ASGR2: variants seen among roughly 807,000 people sequenced by gnomAD.
ASGR2 encodes the protein asialoglycoprotein receptor 2.
A neutral mutation model predicts 32.3 loss-of-function variants in ASGR2; 34 were observed. The observed-to-expected ratio is 1.05, with a 90% CI of 0.80 to 1.40. ASGR2 has a LOEUF of 1.40. Among genes scored for constraint, ASGR2 ranks in the 40% most tolerant of loss-of-function variants. The pLI is 0.00. For missense variants in ASGR2, 385 were observed against 386.4 expected, an observed-to-expected ratio of 1.00 and a Z score of 0.03; for synonymous variants, 143 against 150.0, an observed-to-expected ratio of 0.95 and a Z score of 0.34.
intron 7 of ASGR2, among the ~76,000 whole-genome samples, chr17:7,105,704 A>G (rs536854963): frequency 2.8e-4 from 42 of 152,214 alleles, no homozygotes; most frequent in African/African-American, 9.9e-4. Context: ...CAAAAAACCT[A>G]TATAGGAGAA....
At position 7,107,777 on chromosome 17, in the gene ASGR2, C is replaced by CACACACCGCACACACT; in HGVS notation, c.409+58_409+59insAGTGTGTGCGGTGTGT. ...ACACACACCGCACACGTACACACTA[C>CACACACCGCACACACT]ACACACCGCACACGTACACATGCAC... On this transcript the variant is annotated intron_variant, in intron 5 of 8. Transcript: ENST00000691900. The surrounding 1 kb of genome is among the most constrained non-coding windows in gnomAD (Gnocchi z 5.0). 6.8e-7 allele frequency: 1 copy of CACACACCGCACACACT among 1,470,896 alleles called. No individual in the cohort carries two copies. Among genetic ancestry groups the CACACACCGCACACACT allele is most frequent in the Non-Finnish European group, 9.2e-7 (1 of 1,081,458 alleles). 91.1% of individuals were successfully genotyped at this position (1,470,896 alleles called of 1,614,324 possible).
At position 7,107,440 on chromosome 17, in the gene ASGR2, A is replaced by C; in HGVS notation, c.410-123T>G. 3 of 904,170 alleles carry C rather than the reference A, an allele frequency of 3.3e-6. No individual in the cohort carries two copies. The East Asian group carries it at 7.9e-5, about 24-fold the overall frequency. 56.0% of individuals were successfully genotyped at this position (904,170 alleles called of 1,614,324 possible). ...ACACCATGCATAGACCACACCACAC[A>C]CCATACCACACACACACCACAGACA... On this transcript the variant is annotated intron_variant, in intron 5 of 8. Transcript: ENST00000691900. The surrounding 1 kb of genome is among the most constrained non-coding windows in gnomAD (Gnocchi z 5.0).
intron 2 of ASGR2, among the ~76,000 whole-genome samples, chr17:7,109,352 A>T (rs1377181528): frequency 6.6e-6 from 1 of 152,008 alleles, no homozygotes; most frequent in Non-Finnish European, 1.5e-5. Context: ...CTGTCCCCTC[A>T]GATTGGAGAC....
chr17:7,114,912 C>G, upstream of ASGR2: 1 of 984,678 alleles, frequency 1.0e-6, no homozygotes, highest in Non-Finnish European at 1.2e-6. The surrounding 1 kb of genome is among the most constrained non-coding windows in gnomAD (Gnocchi z 4.5). Context: ...AGAGGGGGGT[C>G]CCCTGGGCTG....
In ASGR2 at chr17:7,114,070, T is replaced by G; in HGVS notation, c.124+47A>C. The G allele has an allele frequency of 2.5e-6, 4 of 1,610,694 alleles. No homozygotes were observed. Among genetic ancestry groups the G allele is most frequent in the Non-Finnish European group, 3.4e-6 (4 of 1,178,228 alleles). Reference sequence around the variant, plus strand: ...AGACCTCAAAGGGACAGAGCAATCATGAGCTGAGACAGAGGGGGAGCAAAG... The same window carrying G: ...AGACCTCAAAGGGACAGAGCAATCAGGAGCTGAGACAGAGGGGGAGCAAAG... On this transcript the variant is annotated intron_variant, in intron 2 of 8. Coordinates refer to ENST00000691900, the MANE Select transcript of ASGR2 (RefSeq NM_001201352.2). This position sits in a 1 kb window ranked among gnomAD's most constrained non-coding sequence, Gnocchi z 4.5.
At position 7,107,833 on chromosome 17, in the gene ASGR2, G is replaced by C. The variant is rs1914048082; in HGVS notation, c.409+3C>G. On this transcript the variant is annotated splice_donor_region_variant and intron_variant, in intron 5 of 8. Coordinates refer to ENST00000691900, the MANE Select transcript of ASGR2 (RefSeq NM_001201352.2). This position sits in a 1 kb window ranked among gnomAD's most constrained non-coding sequence, Gnocchi z 5.0. Reference sequence around the variant, plus strand: ...TGCGCACACACCCCGGAGGCTCTCTGACCTGCTTTCAGGTCCTGCTGCTGT... The same window carrying C: ...TGCGCACACACCCCGGAGGCTCTCTCACCTGCTTTCAGGTCCTGCTGCTGT... The C allele has an allele frequency of 6.2e-7, 1 of 1,613,754 alleles. No homozygotes were observed. Among genetic ancestry groups the C allele is most frequent in the African/African-American group, 1.3e-5 (1 of 74,850 alleles).
chr17:7,106,164 C>G (rs1223921759), intron 7 of ASGR2, among the ~76,000 whole-genome samples: 1 of 151,876 alleles, frequency 6.6e-6, no homozygotes, highest in Admixed American at 6.6e-5. Flanking sequence ...AATGTACAGT[C>G]AAGACTGAGA....
rs1914983571 is a variant in ASGR2, at chr17:7,113,392, ACAAC to A, written c.124+721_124+724del. On this transcript the variant is annotated intron_variant, in intron 2 of 8. Coordinates refer to ENST00000691900, the MANE Select transcript of ASGR2 (RefSeq NM_001201352.2). This position sits in a 1 kb window ranked among gnomAD's most constrained non-coding sequence, Gnocchi z 5.1. ...CATAACACACTCACAACATACACAC[ACAAC>A]ACACACACTCGCACAACATACACAC... Among the ~76,000 whole-genome samples the A allele has an allele frequency of 6.6e-6, 1 of 151,230 alleles. No homozygotes were observed. Among genetic ancestry groups the A allele is most frequent in the Non-Finnish European group, 1.5e-5 (1 of 67,748 alleles).
In ASGR2 at chr17:7,107,615, TAC is replaced by T. The variant is rs1203794592; in HGVS notation, c.409+219_409+220del. Reference sequence around the variant, plus strand: ...TCTCACACACACCACCACACATGCATACACACACAACACACACATATACACCA... The same window carrying T: ...TCTCACACACACCACCACACATGCATACACACAACACACACATATACACCA... On this transcript the variant is annotated intron_variant, in intron 5 of 8. Transcript: ENST00000691900. The surrounding 1 kb of genome is among the most constrained non-coding windows in gnomAD (Gnocchi z 5.0). 15 of 670,940 alleles carry T rather than the reference TAC, an allele frequency of 2.2e-5. No individual in the cohort carries two copies. Among genetic ancestry groups the T allele is most frequent in the East Asian group, 5.5e-5 (2 of 36,240 alleles). 41.6% of individuals were successfully genotyped at this position (670,940 alleles called of 1,614,324 possible).
rs751148417 is a variant in ASGR2 at position 7,108,546 on chromosome 17, G to T, written c.253C>A (p.Gln85Lys). The T allele has an allele frequency of 6.2e-7, 1 of 1,608,060 alleles. No homozygotes were observed. The highest frequency in any genetic ancestry group is 1.1e-5 in the South Asian group (1 of 89,956). ...TCCTTCAGGCTCCGCAGCTCGGCTT[G>T]CAGCTGTGCACCTTGTCAGGTGGTA... is the stretch of plus-strand genomic sequence containing the variant. The part of the protein sequence containing the change: ...CVTGSQSAQL[Q>K]AELRSLKEAF... Residue 85 changes from glutamine to lysine, a missense_variant, in exon 4 of 9, where the codon CAA (glutamine) becomes AAA (lysine). Coordinates refer to ENST00000691900, the MANE Select transcript of ASGR2 (RefSeq NM_001201352.2). The surrounding 1 kb of genome is among the most constrained non-coding windows in gnomAD (Gnocchi z 4.9).
chr17:7,108,734 A>C lies in ASGR2; in HGVS notation c.241+38T>G, dbSNP rs1597386963. ...CGCCACTGCCCATGTCTCTTTCCCT[A>C]CCCCTTGCCCATCCCTGCTGGCCCC... On this transcript the variant is annotated intron_variant, in intron 3 of 8. Transcript: ENST00000691900. The surrounding 1 kb of genome is among the most constrained non-coding windows in gnomAD (Gnocchi z 4.9). The C allele has an allele frequency of 6.2e-7, 1 of 1,612,704 alleles. No homozygotes were observed. Among genetic ancestry groups the C allele is most frequent in the African/African-American group, 1.3e-5 (1 of 74,482 alleles).
rs755108883 is a variant in ASGR2, at chr17:7,108,870, G to C, written c.143C>G (p.Pro48Arg). 24 of 1,591,052 alleles carry C rather than the reference G, an allele frequency of 1.5e-5. No individual in the cohort carries two copies. Among genetic ancestry groups the C allele is most frequent in the African/African-American group, 2.7e-5 (2 of 74,288 alleles). The stretch of plus-strand genomic sequence containing the variant: ...CATGGAGCAGAGACGCTGTGCCAGG[G>C]GCTGGGCAGGAGGTGGCCCTGTGGG... ...PFLKGPPPAQ[P>R]LAQRLCSMVC... Residue 48 changes from proline (P) to arginine (R), a missense_variant, in exon 3 of 9, where the codon CCC becomes CGC. Coordinates refer to ENST00000691900, the MANE Select transcript of ASGR2 (RefSeq NM_001201352.2). The surrounding 1 kb of genome is among the most constrained non-coding windows in gnomAD (Gnocchi z 4.9).
Position 7,109,006 on chromosome 17 carries a change from G to C in ASGR2, c.125-118C>G, listed in dbSNP as rs530556565. On this transcript the variant is annotated intron_variant, in intron 2 of 8. Coordinates refer to ENST00000691900, the MANE Select transcript of ASGR2 (RefSeq NM_001201352.2). ...GCGGGGGGATTGGTTGGGGCCATGGGGGGGGGTCATCATAGGCTTTGACCC... is the reference window on the plus strand; with the variant it reads ...GCGGGGGGATTGGTTGGGGCCATGGCGGGGGGTCATCATAGGCTTTGACCC... The C allele has an allele frequency of 1.7e-4, 159 of 944,004 alleles. 3 individuals are homozygous for C. Among genetic ancestry groups the C allele is most frequent in the African/African-American group, 7.0e-4 (41 of 58,564 alleles). 58.5% of individuals were successfully genotyped at this position (944,004 alleles called of 1,614,324 possible).
intron 7 of ASGR2, among the ~76,000 whole-genome samples, chr17:7,104,620 C>T (rs773975264): frequency 1.5e-4 from 23 of 152,044 alleles, no homozygotes; most frequent in Non-Finnish European, 3.4e-4. Flanking sequence ...CACTGCACTC[C>T]AGCCTGGGCG....
chr17:7,113,672 C>T lies in ASGR2; in HGVS notation c.124+445G>A, dbSNP rs1272133514. Among the ~76,000 whole-genome samples, 2 of 151,586 alleles carry T rather than the reference C, an allele frequency of 1.3e-5. No individual in the cohort carries two copies. The highest frequency in any genetic ancestry group is 2.9e-5 in the Non-Finnish European group (2 of 67,896). ...CATACACTCACACACAAGATACACA[C>T]AACATATACTCACACAACATACACA... On this transcript the variant is annotated intron_variant, in intron 2 of 8. Coordinates refer to ENST00000691900, the MANE Select transcript of ASGR2 (RefSeq NM_001201352.2). This position sits in a 1 kb window ranked among gnomAD's most constrained non-coding sequence, Gnocchi z 5.1.
rs776563429 is a variant in ASGR2, at chr17:7,108,465, G to A, written c.334C>T (p.His112Tyr). The A allele has an allele frequency of 1.2e-6, 2 of 1,601,032 alleles. No individual in the cohort carries two copies. Among genetic ancestry groups the A allele is most frequent in the Non-Finnish European group, 1.7e-6 (2 of 1,173,798 alleles). Residue 112 changes from histidine to tyrosine, a missense_variant, in exon 4 of 9, where the codon CAC becomes TAC. Transcript: ENST00000691900. The surrounding 1 kb of genome is among the most constrained non-coding windows in gnomAD (Gnocchi z 4.9). ...TLTEVQAIST[H>Y]GGSVGDKITS... The stretch of plus-strand genomic sequence containing the variant: ...ACCCAGCCGTCCAGCCCCTCACCGT[G>A]GGTGCTGATTGCCTGGACCTCCGTC...
At position 7,102,199 on chromosome 17, in the gene ASGR2, G is replaced by A. The variant is rs1378583600; in HGVS notation, c.649-3C>T. On this transcript the variant is annotated splice_polypyrimidine_tract_variant and splice_region_variant and intron_variant, in intron 7 of 8. Coordinates refer to ENST00000691900, the MANE Select transcript of ASGR2 (RefSeq NM_001201352.2). ...TTCGTGTGTTGTACAATGAATTTCT[G>A]GAAACACAGGCAAACAGGAAATTTC... is the stretch of plus-strand genomic sequence containing the variant. 3 of 1,611,772 alleles carry A rather than the reference G, an allele frequency of 1.9e-6. No individual in the cohort carries two copies. The highest frequency in any genetic ancestry group is 1.7e-6 in the Non-Finnish European group (2 of 1,177,900).
rs1377407326 is a variant in ASGR2, at chr17:7,101,772, C to T, written c.756-32G>A. On this transcript the variant is annotated intron_variant, in intron 8 of 8. Transcript: ENST00000691900. ...AGGCAAGAGAAAACTCGGACTCTGC[C>T]ACGGTGGTGAGAAAGCGACTTACCC... The T allele has an allele frequency of 1.9e-6, 3 of 1,604,746 alleles. No homozygotes were observed. In the African/African-American group the frequency reaches 4.0e-5, roughly 21 times the overall value.
chr17:7,111,958 G>A (rs1016461318), intron 2 of ASGR2, among the ~76,000 whole-genome samples: 3 of 140,342 alleles, frequency 2.1e-5, no homozygotes, highest in Non-Finnish European at 3.1e-5. Context: ...TGGAAGGATC[G>A]CCTGAGCCCA....
Sources: gnomAD v4.1 joint callset for allele counts (sites outside exome capture counted in the v4.1 genomes callset) on GRCh38, gnomAD v4.1.1 for gene constraint, Gnocchi (gnomAD v3.1) non-coding constraint, MANE v1.5 for transcripts, NCBI Gene and HGNC (gene_info 2026-07-23, HGNC 2026-07-21) for gene names.